CORIN: variants seen among roughly 807,000 people sequenced by gnomAD.
The protein encoded by CORIN is corin, serine peptidase, also known as atrial natriuretic peptide-converting enzyme.
A neutral mutation model predicts 125.3 loss-of-function variants in CORIN; 117 were observed. That is an observed-to-expected ratio of 0.93 (90% CI 0.80 to 1.09). The LOEUF (loss-of-function observed/expected upper bound fraction) is 1.09. CORIN is among the 50% of genes least tolerant of loss of function. The pLI, the probability that CORIN is intolerant of heterozygous loss-of-function variation, is 0.00. For synonymous variants in CORIN, 450 were observed against 466.4 expected, an observed-to-expected ratio of 0.96 and a Z score of 0.45; for missense variants, 1,253 against 1,306.7, an observed-to-expected ratio of 0.96 and a Z score of 0.63.
Position 47,837,831 on chromosome 4 carries a change from G to C in CORIN, c.63+56C>G, listed in dbSNP as rs1034810430. ...GGGAGGGGCTGACCCTGAATTCACC[G>C]GGACTAAGAGGCCATCACACCTGGC... On this transcript the variant is annotated intron_variant, in intron 1 of 21. Coordinates refer to ENST00000273857, the MANE Select transcript of CORIN (RefSeq NM_006587.4). The C allele has an allele frequency of 8.1e-6, 12 of 1,473,268 alleles. No individual in the cohort carries two copies. The Admixed American group carries it at 1.2e-4, about 14-fold the overall frequency. The allele number at this position is 1,473,268 out of a possible 1,614,324, so 91.3% of individuals were successfully genotyped here. A position where few individuals can be genotyped will look rare whatever the true frequency, so the allele number is the denominator to read the frequency against.
intron 19 of CORIN, among the ~76,000 whole-genome samples, chr4:47,609,470 C>A (rs2109523390): frequency 6.6e-6 from 1 of 152,274 alleles, no homozygotes; most frequent in South Asian, 2.1e-4. Context: ...GAACTCCTGA[C>A]CTCAGGTGAT....
intron 5 of CORIN, among the ~76,000 whole-genome samples, chr4:47,730,066 A>C (rs1727796583): frequency 6.6e-6 from 1 of 152,204 alleles, no homozygotes; most frequent in Non-Finnish European, 1.5e-5. Flanking sequence ...TCCAGTACAC[A>C]CTGGGCAAGA....
chr4:47,601,591 T>G (rs559995231), intron 20 of CORIN, among the ~76,000 whole-genome samples: 1 of 152,018 alleles, frequency 6.6e-6, no homozygotes, highest in Non-Finnish European at 1.5e-5. Context: ...CTATACTACA[T>G]GTGTGGAGTG....
At chr4:47,825,831 G>C (rs1732723823) in intron 1 of CORIN, among the ~76,000 whole-genome samples, 1 of 151,168 alleles carries the variant, frequency 6.6e-6, no homozygotes, top group Non-Finnish European at 1.5e-5. Flanking sequence ...CTGCCAACTA[G>C]CTTACTAGAT....
chr4:47,678,442 T>G (rs561814775), intron 8 of CORIN, among the ~76,000 whole-genome samples: 1 of 152,290 alleles, frequency 6.6e-6, no homozygotes, highest in South Asian at 2.1e-4. Flanking sequence ...GAAACTAAAG[T>G]TTACAGAGCA....
At chr4:47,686,400 A>G (rs1300104504) in intron 6 of CORIN, among the ~76,000 whole-genome samples, 2 of 152,216 alleles carry the variant, frequency 1.3e-5, no homozygotes, top group Non-Finnish European at 2.9e-5. Context: ...GACAGCCACC[A>G]TAAGGGAAAA....
At chr4:47,782,299 C>T (rs770321461) in intron 3 of CORIN, among the ~76,000 whole-genome samples, 29 of 151,166 alleles carry the variant, frequency 1.9e-4, no homozygotes, top group Non-Finnish European at 3.1e-4. Flanking sequence ...TCAGGAGAAT[C>T]GCCTGAACCC....
rs572783080 is a variant in CORIN, at chr4:47,820,013, C to T, written c.64-12966G>A. 1.4e-4 allele frequency among the ~76,000 whole-genome samples: 22 copies of T among 152,332 alleles called. No individual in the cohort carries two copies. The South Asian group carries it at 3.5e-3, about 24-fold the overall frequency. ...CCTGAAGCCAGACAAGCAGCCCCAT[C>T]TCCCAGGGTTTGGGAAATGTCCGGA... On this transcript the variant is annotated intron_variant, in intron 1 of 21. Coordinates refer to ENST00000273857, the MANE Select transcript of CORIN (RefSeq NM_006587.4).
In CORIN at chr4:47,642,038, T is replaced by C. The variant is rs1045571976; in HGVS notation, c.2080A>G (p.Ile694Val). ...SDEWDCVTLS[I>V]NVNSSSFLMV... is the part of the protein sequence containing the mutation. The stretch of plus-strand genomic sequence containing the variant: ...AGAAAGGAAGAGGAGTTCACATTTA[T>C]AGAGAGGGTCACTAGGGAAAGAAAA... The change falls in exon 16 of 22, where the codon ATA (isoleucine) becomes GTA (valine). Residue 694 changes from isoleucine (I) to valine (V), a missense_variant. Ile to Val is a conservative substitution (Grantham distance 29). Transcript: ENST00000273857. 2 of 1,613,006 alleles carry C rather than the reference T, an allele frequency of 1.2e-6. No individual in the cohort carries two copies. The highest frequency in any genetic ancestry group is 8.5e-7 in the Non-Finnish European group (1 of 1,179,394).
chr4:47,667,641 T>C (rs1300890922), intron 10 of CORIN, among the ~76,000 whole-genome samples: 3 of 152,082 alleles, frequency 2.0e-5, no homozygotes, highest in Admixed American at 1.3e-4. Flanking sequence ...ATTATATTTA[T>C]AAGGAGGCTG....
At chr4:47,687,630 G>T (rs796292121) in intron 6 of CORIN, among the ~76,000 whole-genome samples, 3 of 152,128 alleles carry the variant, frequency 2.0e-5, no homozygotes, top group Non-Finnish European at 4.4e-5. Flanking sequence ...TTTCTCAAAG[G>T]CTTCTTTCAA....
chr4:47,629,911 C>T (rs530316711), intron 16 of CORIN, among the ~76,000 whole-genome samples: 181 of 152,036 alleles, frequency 1.2e-3, no homozygotes, highest in South Asian at 4.8e-3. Context: ...GTAACATGCC[C>T]AAGGCACAAA....
At chr4:47,744,351 G>A (rs376652675) in intron 5 of CORIN, 51 bp downstream of exon 5, 3 of 1,487,330 alleles carry the variant, frequency 2.0e-6, no homozygotes, top group Non-Finnish European at 2.8e-6. Flanking sequence ...CTGTATAAAT[G>A]GCATACTCAA....
intron 5 of CORIN, among the ~76,000 whole-genome samples, chr4:47,702,772 A>G (rs1726363676): frequency 6.6e-6 from 1 of 152,220 alleles, no homozygotes; most frequent in Admixed American, 6.5e-5. Context: ...ACTTTGAAAA[A>G]TATCTTTCAA....
rs756151201 is a variant in CORIN, at chr4:47,626,477, G to A, written c.2243C>T (p.Pro748Leu). The change falls in exon 17 of 22, where the codon CCG becomes CTG. Residue 748 changes from proline to leucine, a missense_variant. Transcript: ENST00000273857. ...GTTGGAGTGTAATGTCAGCCACCGC[G>A]GCTCTTTCTCCTGTTCCTGTATCAA... ...TKLIQEQEKE[P>L]RWLTLHSNWE... The A allele has an allele frequency of 1.4e-5, 22 of 1,613,876 alleles. No individual in the cohort carries two copies. Among genetic ancestry groups the A allele is most frequent in the East Asian group, 6.7e-5 (3 of 44,884 alleles).
At chr4:47,749,741 T>C (rs1273453001) in intron 4 of CORIN, among the ~76,000 whole-genome samples, 1 of 152,244 alleles carries the variant, frequency 6.6e-6, no homozygotes, top group Non-Finnish European at 1.5e-5. Flanking sequence ...GATGTTCTAT[T>C]CATTGACAAG....
chr4:47,695,393 T>C (rs1311734850), intron 5 of CORIN, among the ~76,000 whole-genome samples: 1 of 152,326 alleles, frequency 6.6e-6, no homozygotes, highest in African/African-American at 2.4e-5. Flanking sequence ...CCTCAGGAAA[T>C]GGAACTGAAA....
At chr4:47,799,203 C>T (rs541391709) in intron 2 of CORIN, among the ~76,000 whole-genome samples, 2 of 148,754 alleles carry the variant, frequency 1.3e-5, no homozygotes, top group East Asian at 2.0e-4. Context: ...AGGCTGAATC[C>T]GTGTCTTTGT....
intron 1 of CORIN, among the ~76,000 whole-genome samples, chr4:47,836,494 T>A (rs971643636): frequency 1.3e-5 from 2 of 152,208 alleles, no homozygotes; most frequent in Admixed American, 1.3e-4. Flanking sequence ...AGAGTTTCGC[T>A]TCCATCGATA....
Sources: gnomAD v4.1 joint callset for allele counts (sites outside exome capture counted in the v4.1 genomes callset) on GRCh38, gnomAD v4.1.1 for gene constraint, MANE v1.5 for transcripts, NCBI Gene and HGNC (gene_info 2026-07-23, HGNC 2026-07-21) for gene names.